C5orf58: variants seen among roughly 807,000 people sequenced by gnomAD.
The protein encoded by C5orf58 is putative uncharacterized protein C5orf58.
A neutral mutation model predicts 2.9 loss-of-function variants in C5orf58; 2 were observed. That is an observed-to-expected ratio of 0.69 (90% CI 0.28 to 2.18). C5orf58 has a LOEUF of 2.18. Ranked by LOEUF, C5orf58 falls within the 30% of genes most tolerant of loss-of-function variation. The pLI, the probability that C5orf58 is intolerant of heterozygous loss-of-function variation, is 0.13. For synonymous variants in C5orf58, 37 were observed against 33.4 expected (o/e 1.11, Z -0.37); for missense variants, 96 against 91.7 (o/e 1.05, Z -0.19).
chr5:170,245,407 G>T (rs922279745), intron 3 of C5orf58, among the ~76,000 whole-genome samples: 4 of 152,180 alleles, frequency 2.6e-5, no homozygotes, highest in Non-Finnish European at 5.9e-5. Flanking sequence ...TCAGACTGCT[G>T]TGCTAGCAAT....
chr5:170,248,643 T>C, downstream of C5orf58: 1 of 1,604,262 alleles, frequency 6.2e-7, no homozygotes, highest in Non-Finnish European at 8.5e-7. Flanking sequence ...GGCTGATTGA[T>C]CTCGTGTTGG....
At chr5:170,242,414 C>G (rs1291482820) in intron 3 of C5orf58, among the ~76,000 whole-genome samples, 2 of 123,800 alleles carry the variant, frequency 1.6e-5, no homozygotes, top group African/African-American at 6.4e-5. Context: ...GTCCTGGACT[C>G]TTTTTGGTTG....
At position 170,245,991 on chromosome 5, in the gene C5orf58, A is replaced by T. The variant is rs1377771960; in HGVS notation, c.124A>T (p.Ile42Phe). Reference protein sequence around the residue: ...ELSQLLLCDLILHFNHPIKTE... With the variant: ...ELSQLLLCDLFLHFNHPIKTE... ...CTCCCAGTTATTGCTTTGTGACCTT[A>T]TCCTACATTTTAATCATCCCATCAA... The change falls in exon 4 of 4, where the codon ATC (isoleucine) becomes TTC (phenylalanine). Residue 42 changes from isoleucine (I) to phenylalanine (F), a missense_variant. Physicochemically the swap from Ile to Phe is conservative, Grantham distance 21. Coordinates refer to ENST00000593851, the MANE Select transcript of C5orf58 (RefSeq NM_001102609.3). 1 of 1,613,718 alleles carries T rather than the reference A, an allele frequency of 6.2e-7. No individual in the cohort carries two copies. The highest frequency in any genetic ancestry group is 1.7e-5 in the Admixed American group (1 of 60,002).
rs1306976473 is a variant in C5orf58, at chr5:170,235,066, A to G, written c.90A>G (p.Ile30Met). The change falls in exon 3 of 4, where the codon ATA becomes ATG. Residue 30 changes from isoleucine (I) to methionine (M), a missense_variant. Physicochemically the swap from Ile to Met is conservative, Grantham distance 10. Transcript: ENST00000593851. The stretch of plus-strand genomic sequence containing the variant: ...CAATTTCTTCGGAGTTGAAGAAGAT[A>G]AAAGGTAAGTATTGAATCACTAAAA... ...INTISSELKK[I>M]KELSQLLLCD... 1 of 1,411,962 alleles carries G rather than the reference A, an allele frequency of 7.1e-7. No individual in the cohort carries two copies. Among genetic ancestry groups the G allele is most frequent in the Non-Finnish European group, 9.9e-7 (1 of 1,014,174 alleles). The allele number at this position is 1,411,962 out of a possible 1,614,324, so 87.5% of individuals were successfully genotyped here.
At chr5:170,240,901 G>A (rs1241091762) in intron 3 of C5orf58, among the ~76,000 whole-genome samples, 1 of 151,904 alleles carries the variant, frequency 6.6e-6, no homozygotes, top group Non-Finnish European at 1.5e-5. Context: ...GGGTTTTTAT[G>A]GTTTTAGGTC....
chr5:170,250,067 T>A (rs192918101), downstream of C5orf58, among the ~76,000 whole-genome samples: 7 of 152,228 alleles, frequency 4.6e-5, no homozygotes, highest in African/African-American at 1.2e-4. Flanking sequence ...GGTAAGCTGT[T>A]TCTCATTCTG....
chr5:170,251,631 G>C (rs969801960), intron 2 of C5orf58: 3 of 455,926 alleles, frequency 6.6e-6, no homozygotes, highest in Non-Finnish European at 1.3e-5. Flanking sequence ...ACTTTCCTTT[G>C]TTCCTTTTAT....
At chr5:170,233,157 G>A in intron 1 of C5orf58, 150 bp downstream of exon 1, 1 of 184,632 alleles carries the variant, frequency 5.4e-6, no homozygotes, top group East Asian at 1.9e-4. Context: ...CTCTCCCTGG[G>A]TGTCGGTTGG....
At chr5:170,252,384 C>G (rs538537535), downstream of C5orf58, 6 of 1,070,090 alleles carry the variant, frequency 5.6e-6, no homozygotes, top group African/African-American at 7.8e-5. Context: ...CAGTTCCCTT[C>G]TCTGCCATTA....
At chr5:170,248,663 C>T (rs759837895), downstream of C5orf58, 2 of 1,604,742 alleles carry the variant, frequency 1.2e-6, no homozygotes, top group Admixed American at 3.4e-5. Flanking sequence ...GCAACAGAGG[C>T]AGGAGGACGG....
At chr5:170,243,940 C>T (rs1202909219) in intron 3 of C5orf58, among the ~76,000 whole-genome samples, 2 of 141,106 alleles carry the variant, frequency 1.4e-5, no homozygotes, top group Non-Finnish European at 3.1e-5. Flanking sequence ...CCATGTTTAG[C>T]ACTTCCTTCA....
chr5:170,252,147 T>A, exon 3 of C5orf58: 1 of 244,456 alleles, frequency 4.1e-6, no homozygotes, highest in Non-Finnish European at 8.1e-6. Flanking sequence ...TGACACCATG[T>A]GATTCCTATG....
At chr5:170,234,419 A>G (rs1760654979) in intron 2 of C5orf58, among the ~76,000 whole-genome samples, 1 of 152,244 alleles carries the variant, frequency 6.6e-6, no homozygotes, top group Admixed American at 6.5e-5. Flanking sequence ...GCGTTGATTT[A>G]TACATTTCAG....
At chr5:170,250,675 T>G, downstream of C5orf58, 1 of 1,412,154 alleles carries the variant, frequency 7.1e-7, no homozygotes. Context: ...CATGAAGGCA[T>G]GCAGAGTGGC....
In C5orf58 at chr5:170,246,107, T is replaced by C. The variant is rs1311834325; in HGVS notation, c.240T>C (p.Ser80=). 76 of 1,608,034 alleles carry C rather than the reference T, an allele frequency of 4.7e-5. No individual in the cohort carries two copies. Among genetic ancestry groups the C allele is most frequent in the Non-Finnish European group, 6.3e-5 (74 of 1,177,364 alleles). ...SDVSLVSNSF[S]I ...TATCCCTTGTTTCTAACAGTTTTTC[T>C]ATCTGATTTCTTATTTGTTATGAGT... is the stretch of plus-strand genomic sequence containing the variant. The change falls in exon 4 of 4, where the codon TCT becomes TCC. Residue 80 remains serine, a synonymous_variant. Coordinates refer to ENST00000593851, the MANE Select transcript of C5orf58 (RefSeq NM_001102609.3).
intron 3 of C5orf58, chr5:170,237,259 T>A: frequency 2.5e-6 from 1 of 398,392 alleles, no homozygotes; most frequent in Non-Finnish European, 4.4e-6. Flanking sequence ...CCTCACTTCC[T>A]CCCCTAAATA....
downstream of C5orf58, chr5:170,248,567 A>G: frequency 1.1e-6 from 1 of 897,396 alleles, no homozygotes; most frequent in Non-Finnish European, 1.7e-6. Context: ...TTTAAAGGAA[A>G]GGATAAAACC....
chr5:170,250,126 T>A (rs1226167152), downstream of C5orf58, among the ~76,000 whole-genome samples: 1 of 152,192 alleles, frequency 6.6e-6, no homozygotes, highest in African/African-American at 2.4e-5. Flanking sequence ...GAACTTAGAG[T>A]ATGTTTGGGG....
chr5:170,237,750 C>A (rs947673500), intron 3 of C5orf58, among the ~76,000 whole-genome samples: 2 of 152,158 alleles, frequency 1.3e-5, no homozygotes, highest in African/African-American at 4.8e-5. Flanking sequence ...CATAGCTGGG[C>A]AGCTATCCCT....
Sources: gnomAD v4.1 joint callset for allele counts (sites outside exome capture counted in the v4.1 genomes callset) on GRCh38, gnomAD v4.1.1 for gene constraint, MANE v1.5 for transcripts, NCBI Gene and HGNC (gene_info 2026-07-23, HGNC 2026-07-21) for gene names.